The following ZNF236 variants were observed in gnomAD, a reference collection of about 807,000 sequenced individuals.
ZNF236 encodes regulated by glucose.
In ZNF236, 50 loss-of-function variants were observed where a neutral mutation model predicts 191.2. The ratio of observed to expected loss-of-function variants is 0.26; its 90% CI spans 0.21 to 0.33. The LOEUF (loss-of-function observed/expected upper bound fraction) is 0.33, where lower values mean the gene tolerates loss of function less well. ZNF236 is among the 10% of genes least tolerant of loss of function. ZNF236 has a pLI of 1.00. For synonymous variants in ZNF236, 907 were observed against 928.8 expected (o/e 0.98, Z 0.43); for missense variants, 1,754 against 2,374.5 (o/e 0.74, Z 5.43).
chr18:76,915,747 G>A lies in ZNF236; in HGVS notation c.3162G>A (p.Lys1054=), dbSNP rs1967342944. 1 of 1,614,186 alleles carries A rather than the reference G, an allele frequency of 6.2e-7. No homozygotes were observed. Among genetic ancestry groups the A allele is most frequent in the Non-Finnish European group, 8.5e-7 (1 of 1,180,042 alleles). ...CACATATGAGCATGAAGCCTTATAA[G>A]TGTCCGTTTTGTGAGGAGGGTTTCC... ...MATHMSMKPY[K]CPFCEEGFRT... Residue 1054 remains lysine (K), a synonymous_variant, in exon 19 of 31, where the codon AAG becomes AAA. Transcript: ENST00000320610.
At position 76,880,003 on chromosome 18, in the gene ZNF236, T is replaced by C; in HGVS notation, c.985-110T>C. ...TTAAAATTTATGTTTAGGATACTCTTAGATTTTAACACCCTTAAGGAGGGT... is the reference window on the plus strand; with the variant it reads ...TTAAAATTTATGTTTAGGATACTCTCAGATTTTAACACCCTTAAGGAGGGT... On this transcript the variant is annotated intron_variant, in intron 7 of 30. Coordinates refer to ENST00000320610, the MANE Select transcript of ZNF236 (RefSeq NM_001306089.2). The surrounding 1 kb of genome is among the most constrained non-coding windows in gnomAD (Gnocchi z 5.0). 1 of 991,536 alleles carries C rather than the reference T, an allele frequency of 1.0e-6. No homozygotes were observed. The highest frequency in any genetic ancestry group is 1.5e-6 in the Non-Finnish European group (1 of 677,952). 61.4% of individuals were successfully genotyped at this position (991,536 alleles called of 1,614,324 possible).
intron 26 of ZNF236, among the ~76,000 whole-genome samples, chr18:76,941,171 C>G (rs567815104): frequency 6.6e-6 from 1 of 152,060 alleles, no homozygotes; most frequent in Non-Finnish European, 1.5e-5. Context: ...GCCTTGTGAG[C>G]GGGCAGGTGG....
At chr18:76,841,850 C>T (rs867476070) in intron 1 of ZNF236, among the ~76,000 whole-genome samples, 11 of 152,064 alleles carry the variant, frequency 7.2e-5, no homozygotes, top group East Asian at 3.8e-4. Context: ...CGGGCCACCA[C>T]GCCAGGCTGA....
chr18:76,884,679 G>A (rs1976998051), intron 9 of ZNF236, among the ~76,000 whole-genome samples: 1 of 152,124 alleles, frequency 6.6e-6, no homozygotes, highest in East Asian at 1.9e-4. Context: ...GCATCCTACT[G>A]TCCTATTTCA....
chr18:76,904,067 T>G (rs1304253994), intron 11 of ZNF236, among the ~76,000 whole-genome samples: 1 of 151,230 alleles, frequency 6.6e-6, no homozygotes, highest in Non-Finnish European at 1.5e-5. Flanking sequence ...GGCCGTGGAA[T>G]CAAGGGAAGT....
In ZNF236 at chr18:76,960,768, C is replaced by A. The variant is rs774169462; in HGVS notation, c.5332C>A (p.Arg1778=). The A allele has an allele frequency of 1.2e-6, 2 of 1,614,148 alleles. No homozygotes were observed. Among genetic ancestry groups the A allele is most frequent in the Admixed American group, 3.3e-5 (2 of 60,026 alleles). Residue 1778 remains arginine, a synonymous_variant, in exon 30 of 31, where the codon CGG becomes AGG. Transcript: ENST00000320610. This position sits in a 1 kb window ranked among gnomAD's most constrained non-coding sequence, Gnocchi z 4.4. ...QVHMKKHTGE[R]PYKCAYCVMG... ...GCACATGAAGAAGCACACGGGGGAG[C>A]GGCCCTACAAGTGTGCCTACTGCGT... is the stretch of plus-strand genomic sequence containing the variant.
intron 3 of ZNF236, among the ~76,000 whole-genome samples, chr18:76,866,327 T>C (rs1311509529): frequency 2.0e-5 from 3 of 152,100 alleles, no homozygotes; most frequent in Non-Finnish European, 2.9e-5. Context: ...GGGTTTATTT[T>C]GTGTGTTGAG....
intron 1 of ZNF236, among the ~76,000 whole-genome samples, chr18:76,837,205 G>A (rs1340012308): frequency 7.2e-6 from 1 of 139,736 alleles, no homozygotes; most frequent in Non-Finnish European, 1.5e-5. Flanking sequence ...CTTCACAAAA[G>A]TTTTAAATTT....
At chr18:76,926,601 GTA>G (rs1967685240) in intron 22 of ZNF236, among the ~76,000 whole-genome samples, 1 of 151,004 alleles carries the variant, frequency 6.6e-6, no homozygotes, top group African/African-American at 2.4e-5. Context: ...GACAGTGTGT[GTA>G]TATATGGTAT....
chr18:76,851,978 T>C lies in ZNF236; in HGVS notation c.363+39T>C, dbSNP rs775424000. 2.1e-5 allele frequency: 32 copies of C among 1,553,584 alleles called. No individual in the cohort carries two copies. In the South Asian group the frequency reaches 3.7e-4, roughly 18 times the overall value. On this transcript the variant is annotated intron_variant, in intron 3 of 30. Coordinates refer to ENST00000320610, the MANE Select transcript of ZNF236 (RefSeq NM_001306089.2). ...TTTTGCATATACTTTGTTAACTGAT[T>C]GTTAAAATACATCTGATCATGAGTC...
chr18:76,847,502 T>G (rs191452554), intron 1 of ZNF236, among the ~76,000 whole-genome samples: 7 of 152,114 alleles, frequency 4.6e-5, no homozygotes, highest in Admixed American at 3.3e-4. Flanking sequence ...GTCTCACTCT[T>G]TCACCCAGGC....
chr18:76,882,036 G>GT (rs1976916881), intron 9 of ZNF236, among the ~76,000 whole-genome samples: 1 of 152,126 alleles, frequency 6.6e-6, no homozygotes, highest in Admixed American at 6.5e-5. Flanking sequence ...TGAGTATCCT[G>GT]TCACCTGTCC....
At chr18:76,861,278 A>G (rs370272452) in intron 3 of ZNF236, among the ~76,000 whole-genome samples, 1 of 152,208 alleles carries the variant, frequency 6.6e-6, no homozygotes, top group Non-Finnish European at 1.5e-5. Context: ...GGTTTGTCCA[A>G]CATCTTCATT....
At chr18:76,945,421 C>T (rs117764806) in intron 26 of ZNF236, among the ~76,000 whole-genome samples, 2,423 of 152,276 alleles carry the variant, frequency 0.016, 29 homozygotes, top group Middle Eastern at 0.02. Context: ...TAGCATTCAC[C>T]GGTATTTGAA....
intron 14 of ZNF236, among the ~76,000 whole-genome samples, chr18:76,908,957 GTGTGTC>G: frequency 1.1e-5 from 1 of 89,334 alleles, no homozygotes; most frequent in African/African-American, 4.0e-5. Context: ...GTGTGTATGT[GTGTGTC>G]TGTGTGTGTG....
In ZNF236 at chr18:76,851,309, A is replaced by G. The variant is rs191128240; in HGVS notation, c.199-466A>G. 3.9e-5 allele frequency among the ~76,000 whole-genome samples: 5 copies of G among 128,306 alleles called. No individual in the cohort carries two copies. In the East Asian group the frequency reaches 9.5e-4, roughly 24 times the overall value. 84.2% of individuals were successfully genotyped at this position (128,306 alleles called of 152,430 possible). A position where few individuals can be genotyped will look rare whatever the true frequency, so the allele number is the denominator to read the frequency against. On this transcript the variant is annotated intron_variant, in intron 2 of 30. Coordinates refer to ENST00000320610, the MANE Select transcript of ZNF236 (RefSeq NM_001306089.2). ...GAGACAGAGTCTCGCCCTCTTGCCC[A>G]GGCTGGAATGCAGTAGTGCAATCTT...
rs1045238878 is a variant in ZNF236, at chr18:76,915,738, G to A, written c.3153G>A (p.Lys1051=). ...TRHMATHMSM[K]PYKCPFCEEG... is the part of the protein sequence containing the mutation. ...ACATGGCCACACATATGAGCATGAA[G>A]CCTTATAAGTGTCCGTTTTGTGAGG... The change falls in exon 19 of 31, where the codon AAG becomes AAA. Residue 1051 remains lysine (K), a synonymous_variant. Coordinates refer to ENST00000320610, the MANE Select transcript of ZNF236 (RefSeq NM_001306089.2). 1.2e-6 allele frequency: 2 copies of A among 1,613,978 alleles called. No individual in the cohort carries two copies. The highest frequency in any genetic ancestry group is 2.7e-5 in the African/African-American group (2 of 74,892).
chr18:76,912,551 G>A (rs1325295513), intron 17 of ZNF236, among the ~76,000 whole-genome samples: 5 of 152,184 alleles, frequency 3.3e-5, no homozygotes, highest in Non-Finnish European at 7.4e-5. Flanking sequence ...ATAAGTGAGC[G>A]GGCCAGGATT....
rs181512072 is a variant in ZNF236 at position 76,927,321 on chromosome 18, A to G, written c.4218A>G (p.Leu1406=). 4,187 of 1,614,122 alleles carry G rather than the reference A, an allele frequency of 2.6e-3. 99 individuals carry two copies. The Admixed American group carries it at 0.053, about 20-fold the overall frequency. Residue 1406 remains leucine, a synonymous_variant, in exon 24 of 31, where the codon CTA becomes CTG. Transcript: ENST00000320610. The surrounding 1 kb of genome is among the most constrained non-coding windows in gnomAD (Gnocchi z 5.4). ...AGCAGACGCTACAGCAGGGCAACCTATTGGCTCAGCAGCTCACGGGGGAGC... is the reference window on the plus strand; with the variant it reads ...AGCAGACGCTACAGCAGGGCAACCTGTTGGCTCAGCAGCTCACGGGGGAGC... ...ILQQTLQQGN[L]LAQQLTGEPG... is the part of the protein sequence containing the mutation.
Sources: gnomAD v4.1 joint callset for allele counts (sites outside exome capture counted in the v4.1 genomes callset) on GRCh38, gnomAD v4.1.1 for gene constraint, Gnocchi (gnomAD v3.1) non-coding constraint, MANE v1.5 for transcripts, NCBI Gene and HGNC (gene_info 2026-07-23, HGNC 2026-07-21) for gene names.